The following SORCS2 variants were observed in gnomAD, a reference collection of about 807,000 sequenced individuals.
The protein encoded by SORCS2 is VPS10 domain-containing receptor SorCS2.
SORCS2 carries 100 observed loss-of-function variants against 141.6 expected under a neutral mutation model. The observed-to-expected ratio is 0.71, with a 90% CI of 0.60 to 0.83. The LOEUF (loss-of-function observed/expected upper bound fraction) is 0.83. SORCS2 is among the 40% of genes least tolerant of loss of function. The pLI, the probability that SORCS2 is intolerant of heterozygous loss-of-function variation, is 0.00. For missense variants in SORCS2, 1,646 were observed against 1,560.2 expected (o/e 1.05, Z -0.93); for synonymous variants, 789 against 676.9 (o/e 1.17, Z -2.57).
At chr4:7,387,597 A>T (rs1337488480) in intron 1 of SORCS2, among the ~76,000 whole-genome samples, 1 of 149,482 alleles carries the variant, frequency 6.7e-6, no homozygotes, top group Non-Finnish European at 1.5e-5. Flanking sequence ...AGGTACACAG[A>T]GAAACGCACA....
chr4:7,711,241 G>C (rs1725808728), intron 14 of SORCS2, among the ~76,000 whole-genome samples: 1 of 152,222 alleles, frequency 6.6e-6, no homozygotes, highest in African/African-American at 2.4e-5. Context: ...ACCGCCGCAG[G>C]CTTGCCTGGC....
intron 1 of SORCS2, among the ~76,000 whole-genome samples, chr4:7,274,253 C>T (rs578071901): frequency 6.6e-5 from 10 of 152,190 alleles, no homozygotes; most frequent in Admixed American, 2.0e-4. Flanking sequence ...TGGGGAACTT[C>T]GGGTGCACTG....
intron 1 of SORCS2, among the ~76,000 whole-genome samples, chr4:7,297,522 C>T (rs1312476733): frequency 6.6e-6 from 1 of 152,148 alleles, no homozygotes; most frequent in Non-Finnish European, 1.5e-5. Flanking sequence ...CCTGGCCATG[C>T]CCTGCCCCCT....
chr4:7,683,340 C>A (rs4689824), intron 10 of SORCS2, among the ~76,000 whole-genome samples: 93,594 of 137,822 alleles, frequency 0.68, 31,883 homozygotes, highest in African/African-American at 0.74. Context: ...GGCTGGGCTC[C>A]GCTGAGCGGC....
intron 1 of SORCS2, among the ~76,000 whole-genome samples, chr4:7,222,367 CAAA>C (rs1560121375): frequency 6.6e-6 from 1 of 152,156 alleles, no homozygotes; most frequent in Non-Finnish European, 1.5e-5. Context: ...GACACTCAGT[CAAA>C]GAAGCCAGCC....
At chr4:7,512,958 C>A (rs745325078) in intron 2 of SORCS2, among the ~76,000 whole-genome samples, 46 of 152,326 alleles carry the variant, frequency 3.0e-4, no homozygotes, top group South Asian at 8.3e-4. Flanking sequence ...TCCCTCCAGG[C>A]CGCAGGGGAA....
At chr4:7,376,235 G>A (rs994674584) in intron 1 of SORCS2, among the ~76,000 whole-genome samples, 2 of 150,948 alleles carry the variant, frequency 1.3e-5, no homozygotes, top group African/African-American at 4.9e-5. Context: ...TAAATATAAA[G>A]CATGCTTATT....
At chr4:7,335,131 T>G (rs896760790) in intron 1 of SORCS2, among the ~76,000 whole-genome samples, 1 of 152,198 alleles carries the variant, frequency 6.6e-6, no homozygotes, top group East Asian at 1.9e-4. Context: ...GCTGGGAATC[T>G]GTGCCGTGGT....
At chr4:7,417,730 C>T (rs189434047) in intron 2 of SORCS2, among the ~76,000 whole-genome samples, 1 of 152,348 alleles carries the variant, frequency 6.6e-6, no homozygotes, top group East Asian at 1.9e-4. Context: ...CTCCTCTGGT[C>T]CCTGCATCAG....
intron 2 of SORCS2, among the ~76,000 whole-genome samples, chr4:7,408,397 C>A (rs1302408328): frequency 7.5e-6 from 1 of 132,474 alleles, no homozygotes; most frequent in African/African-American, 2.6e-5. Context: ...TTTTTTTTTT[C>A]TTTTAGCACT....
intron 5 of SORCS2, among the ~76,000 whole-genome samples, chr4:7,655,622 C>T (rs1475211735): frequency 1.3e-5 from 2 of 152,332 alleles, no homozygotes; most frequent in East Asian, 1.9e-4. Flanking sequence ...AGGCGACGGC[C>T]GTCTGTCTGC....
intron 2 of SORCS2, among the ~76,000 whole-genome samples, chr4:7,448,673 C>T (rs1341267012): frequency 7.0e-6 from 1 of 141,874 alleles, no homozygotes; most frequent in African/African-American, 2.6e-5. Flanking sequence ...TCCCTGCCTT[C>T]CTCCTTCCCT....
At chr4:7,402,732 T>C (rs554947394) in intron 2 of SORCS2, among the ~76,000 whole-genome samples, 5 of 152,210 alleles carry the variant, frequency 3.3e-5, no homozygotes, top group Non-Finnish European at 5.9e-5. Context: ...CTTGGAGTCA[T>C]CAGACTTTCC....
intron 1 of SORCS2, among the ~76,000 whole-genome samples, chr4:7,392,170 C>T (rs1008141013): frequency 2.0e-5 from 3 of 152,210 alleles, no homozygotes; most frequent in Admixed American, 6.5e-5. Flanking sequence ...TGGAACTCCT[C>T]GTGTGGGCTC....
intron 3 of SORCS2, among the ~76,000 whole-genome samples, chr4:7,607,469 TC>T (rs2108803336): frequency 6.6e-6 from 1 of 152,136 alleles, no homozygotes; most frequent in South Asian, 2.1e-4. Flanking sequence ...CCCTTTGACC[TC>T]CCGCCCCACC....
chr4:7,621,003 G>C (rs1031293380), intron 3 of SORCS2, among the ~76,000 whole-genome samples: 28 of 152,168 alleles, frequency 1.8e-4, no homozygotes, highest in African/African-American at 6.5e-4. Flanking sequence ...GGAGGCAGTG[G>C]CTGGCAGGCA....
chr4:7,728,594 C>T (rs969602112), intron 22 of SORCS2, 132 bp downstream of exon 22: 36 of 625,038 alleles, frequency 5.8e-5, no homozygotes, highest in Non-Finnish European at 8.8e-5. Flanking sequence ...CTCTGGTCTT[C>T]GGGCCAGCTG....
intron 1 of SORCS2, among the ~76,000 whole-genome samples, chr4:7,328,911 A>C (rs1386257607): frequency 6.6e-6 from 1 of 152,258 alleles, no homozygotes; most frequent in East Asian, 1.9e-4. Context: ...CAGTTAGCTC[A>C]GGGGAGGGAC....
intron 1 of SORCS2, among the ~76,000 whole-genome samples, chr4:7,374,731 G>A (rs904171621): frequency 7.9e-5 from 12 of 152,130 alleles, no homozygotes; most frequent in Admixed American, 3.9e-4. Flanking sequence ...ACAGTGTCTC[G>A]GTCACCTCCC....
Sources: allele counts gnomAD v4.1 joint callset (sites outside exome capture counted in the v4.1 genomes callset), GRCh38; gene constraint gnomAD v4.1.1; transcripts MANE v1.5; gene names NCBI Gene and HGNC (gene_info 2026-07-23, HGNC 2026-07-21).